The following CDH4 variants were observed in gnomAD, a reference collection of about 807,000 sequenced individuals.
CDH4 encodes cadherin 4, also known as cadherin-4.
Under a neutral mutation model 86.0 loss-of-function variants are expected in CDH4, and 33 were observed. The ratio of observed to expected loss-of-function variants is 0.38; its 90% CI spans 0.29 to 0.51. The LOEUF (loss-of-function observed/expected upper bound fraction) is 0.51. CDH4 is among the 20% of genes least tolerant of loss of function. The pLI, the probability that CDH4 is intolerant of heterozygous loss-of-function variation, is 0.86. For missense variants in CDH4, 1,114 were observed against 1,307.4 expected, an observed-to-expected ratio of 0.85 and a Z score of 2.28; for synonymous variants, 555 against 549.4, an observed-to-expected ratio of 1.01 and a Z score of -0.14.
At chr20:61,645,990 CTG>C (rs1406688216) in intron 2 of CDH4, among the ~76,000 whole-genome samples, 6 of 152,202 alleles carry the variant, frequency 3.9e-5, no homozygotes, top group Admixed American at 3.9e-4. Flanking sequence ...GTGCACATGT[CTG>C]AGACTCACAG....
intron 7 of CDH4, among the ~76,000 whole-genome samples, chr20:61,880,232 G>A (rs556375278): frequency 1.0e-3 from 152 of 152,192 alleles, no homozygotes; most frequent in Admixed American, 2.2e-3. Flanking sequence ...CCCAGACAGC[G>A]AGCCTCTCGT....
At chr20:61,571,981 C>T (rs761308023) in intron 2 of CDH4, among the ~76,000 whole-genome samples, 6 of 152,130 alleles carry the variant, frequency 3.9e-5, no homozygotes, top group Non-Finnish European at 8.8e-5. Context: ...GTCTCACAGA[C>T]AAAAGGTCAG....
At chr20:61,746,123 C>A (rs1292027644) in intron 3 of CDH4, among the ~76,000 whole-genome samples, 1 of 152,118 alleles carries the variant, frequency 6.6e-6, no homozygotes, top group Non-Finnish European at 1.5e-5. Flanking sequence ...AGCAGTGGCC[C>A]CCAAATCGTG....
chr20:61,409,910 T>C (rs1028629249), intron 2 of CDH4, among the ~76,000 whole-genome samples: 1 of 152,236 alleles, frequency 6.6e-6, no homozygotes, highest in Non-Finnish European at 1.5e-5. Context: ...TTGATCACCA[T>C]CTTATTCCAT....
chr20:61,561,828 CA>C (rs1568686415), intron 2 of CDH4, among the ~76,000 whole-genome samples: 1 of 152,242 alleles, frequency 6.6e-6, no homozygotes, highest in Non-Finnish European at 1.5e-5. Context: ...AAACAACCCA[CA>C]AAGGTTTATA....
intron 2 of CDH4, among the ~76,000 whole-genome samples, chr20:61,413,473 G>GC (rs1257957402): frequency 6.6e-6 from 1 of 152,078 alleles, no homozygotes; most frequent in African/African-American, 2.4e-5. Flanking sequence ...TCTGTAACAA[G>GC]CCCCCCTGAG....
At chr20:61,488,073 A>T (rs1053424420) in intron 2 of CDH4, among the ~76,000 whole-genome samples, 1 of 152,242 alleles carries the variant, frequency 6.6e-6, no homozygotes, top group Non-Finnish European at 1.5e-5. Flanking sequence ...ACAATCACTC[A>T]GTGCCATTTA....
chr20:61,390,680 C>G (rs978318674), intron 2 of CDH4, among the ~76,000 whole-genome samples: 1 of 151,984 alleles, frequency 6.6e-6, no homozygotes, highest in Non-Finnish European at 1.5e-5. Context: ...CGATTGAGAT[C>G]GTGCGGTCAT....
intron 2 of CDH4, among the ~76,000 whole-genome samples, chr20:61,653,466 G>A (rs1428410097): frequency 0.023 from 3,052 of 134,148 alleles, 159 homozygotes; most frequent in African/African-American, 0.075. Flanking sequence ...CCTCCCAGAC[G>A]GGGTCGTGGC....
chr20:61,358,291 C>T (rs980374391), intron 2 of CDH4, among the ~76,000 whole-genome samples: 5 of 152,190 alleles, frequency 3.3e-5, no homozygotes, highest in African/African-American at 1.2e-4. Context: ...ATGGTCCTGC[C>T]TCCTTATTTC....
At chr20:61,591,227 T>C (rs567818589) in intron 2 of CDH4, among the ~76,000 whole-genome samples, 6 of 152,358 alleles carry the variant, frequency 3.9e-5, no homozygotes, top group Admixed American at 3.9e-4. Flanking sequence ...AACCTGTTGA[T>C]AATTACCATA....
At chr20:61,560,152 C>A (rs1367212621) in intron 2 of CDH4, among the ~76,000 whole-genome samples, 4 of 152,300 alleles carry the variant, frequency 2.6e-5, no homozygotes, top group Admixed American at 6.5e-5. Flanking sequence ...CTGTGGCAGA[C>A]CCTGGGAACC....
Position 61,713,575 on chromosome 20 carries a change from G to A in CDH4, c.170-29988G>A, listed in dbSNP as rs144835044. On this transcript the variant is annotated intron_variant, in intron 2 of 15. Coordinates refer to ENST00000614565, the MANE Select transcript of CDH4 (RefSeq NM_001794.5). ...CTGCTTATGTAGCAGCACAGTTAAC[G>A]GTGGATGTGCAGGTGTGAGGGGCCA... Among the ~76,000 whole-genome samples the A allele has an allele frequency of 1.7e-4, 26 of 152,356 alleles. No homozygotes were observed. The East Asian group carries it at 4.4e-3, about 26-fold the overall frequency.
chr20:61,318,017 T>C (rs1008725360), intron 2 of CDH4, among the ~76,000 whole-genome samples: 1 of 152,166 alleles, frequency 6.6e-6, no homozygotes, highest in African/African-American at 2.4e-5. Flanking sequence ...GGGTAGAGGT[T>C]AAGAGACCCA....
At chr20:61,297,530 G>A (rs1276613847) in intron 2 of CDH4, among the ~76,000 whole-genome samples, 1 of 152,270 alleles carries the variant, frequency 6.6e-6, no homozygotes, top group Admixed American at 6.5e-5. Flanking sequence ...TGGTCCATCT[G>A]TGTCTTGGGG....
Position 61,351,119 on chromosome 20 carries a change from G to A in CDH4, c.169+96182G>A, listed in dbSNP as rs562429512. ...CCGTGCTCAAGGCCTGCTGTCCTCCGTGCTTTCAGATGCTGGGAAGGTCAG... is the reference window on the plus strand; with the variant it reads ...CCGTGCTCAAGGCCTGCTGTCCTCCATGCTTTCAGATGCTGGGAAGGTCAG... On this transcript the variant is annotated intron_variant, in intron 2 of 15. Transcript: ENST00000614565. Among the ~76,000 whole-genome samples, 14 of 152,268 alleles carry A rather than the reference G, an allele frequency of 9.2e-5. No individual in the cohort carries two copies. In the East Asian group the frequency reaches 1.2e-3, roughly 13 times the overall value.
chr20:61,937,093 C>A lies in CDH4; in HGVS notation c.*150C>A. Reference sequence around the variant, plus strand: ...CCAATCCCCACGTTGAGCTGTCTAGCATGAGCACCCACCCCCACAGCGCCC... The same window carrying A: ...CCAATCCCCACGTTGAGCTGTCTAGAATGAGCACCCACCCCCACAGCGCCC... On this transcript the variant is annotated 3_prime_UTR_variant, in exon 16 of 16. Transcript: ENST00000614565. The A allele has an allele frequency of 1.8e-6, 1 of 564,742 alleles. No individual in the cohort carries two copies. Among genetic ancestry groups the A allele is most frequent in the South Asian group, 3.3e-5 (1 of 30,026 alleles). The allele number at this position is 564,742 out of a possible 1,614,324, so 35.0% of individuals were successfully genotyped here. A position where few individuals can be genotyped will look rare whatever the true frequency, so the allele number is the denominator to read the frequency against.
At chr20:61,734,680 A>G (rs2088238351) in intron 2 of CDH4, among the ~76,000 whole-genome samples, 1 of 152,240 alleles carries the variant, frequency 6.6e-6, no homozygotes, top group Non-Finnish European at 1.5e-5. Flanking sequence ...GGGCTGGAGT[A>G]GATCATTTCC....
At chr20:61,296,859 C>T (rs576943739) in intron 2 of CDH4, among the ~76,000 whole-genome samples, 99 of 151,942 alleles carry the variant, frequency 6.5e-4, no homozygotes, top group African/African-American at 2.3e-3. Context: ...GAAGGAGGGA[C>T]GGGGGTGGAG....
Sources: gnomAD v4.1 joint callset for allele counts (sites outside exome capture counted in the v4.1 genomes callset) on GRCh38, gnomAD v4.1.1 for gene constraint, MANE v1.5 for transcripts, NCBI Gene and HGNC (gene_info 2026-07-23, HGNC 2026-07-21) for gene names.